The following AUTS2 variants were observed in gnomAD, a reference collection of about 807,000 sequenced individuals.
The protein encoded by AUTS2 is activator of transcription and developmental regulator AUTS2, also known as autism susceptibility gene 2 protein.
A neutral mutation model predicts 112.4 loss-of-function variants in AUTS2; 17 were observed. That is an observed-to-expected ratio of 0.15 (90% CI 0.10 to 0.23). The LOEUF is 0.23. Ranked by LOEUF, AUTS2 falls within the 10% of genes least tolerant of loss-of-function variation. AUTS2 has a pLI of 1.00. For missense variants in AUTS2, 1,510 were observed against 1,701.6 expected (o/e 0.89, Z 1.98); for synonymous variants, 751 against 702.7 (o/e 1.07, Z -1.09).
intron 4 of AUTS2, among the ~76,000 whole-genome samples, chr7:70,135,109 A>G (rs371975992): frequency 1.3e-5 from 2 of 152,066 alleles, no homozygotes; most frequent in African/African-American, 4.8e-5. Context: ...CTAAAATGCA[A>G]AGTTTATTTC....
chr7:70,444,188 G>T (rs907323076), intron 5 of AUTS2, among the ~76,000 whole-genome samples: 1 of 152,192 alleles, frequency 6.6e-6, no homozygotes, highest in Admixed American at 6.5e-5. Context: ...AGAGGCATTT[G>T]TACAGGTGAT....
At chr7:70,361,863 A>T (rs1005484981) in intron 4 of AUTS2, among the ~76,000 whole-genome samples, 1 of 152,152 alleles carries the variant, frequency 6.6e-6, no homozygotes, top group East Asian at 1.9e-4. Flanking sequence ...CTTCAAGAAG[A>T]TAAGTTTTAT....
At chr7:70,317,985 G>A (rs1243305226) in intron 4 of AUTS2, among the ~76,000 whole-genome samples, 2 of 152,242 alleles carry the variant, frequency 1.3e-5, no homozygotes, top group Admixed American at 6.5e-5. Context: ...GTCATGACTT[G>A]CTACCTTTAG....
chr7:69,653,676 A>C (rs1409031261), intron 1 of AUTS2, among the ~76,000 whole-genome samples: 1 of 151,904 alleles, frequency 6.6e-6, no homozygotes, highest in East Asian at 1.9e-4. Context: ...TTGAGGAGAA[A>C]TAACCCGTTT....
intron 4 of AUTS2, among the ~76,000 whole-genome samples, chr7:70,220,632 G>A (rs1249393740): frequency 6.6e-6 from 1 of 152,172 alleles, no homozygotes; most frequent in Non-Finnish European, 1.5e-5. Flanking sequence ...GACCTGGCTA[G>A]CTACGGATGC....
intron 1 of AUTS2, among the ~76,000 whole-genome samples, chr7:69,614,204 A>G (rs779091787): frequency 1.3e-5 from 2 of 152,154 alleles, no homozygotes; most frequent in Non-Finnish European, 2.9e-5. Flanking sequence ...GGGGGTTAGT[A>G]TAAAGATACA....
intron 5 of AUTS2, among the ~76,000 whole-genome samples, chr7:70,627,425 G>A (rs1210313347): frequency 1.3e-5 from 2 of 152,192 alleles, no homozygotes; most frequent in African/African-American, 4.8e-5. Context: ...ATTTGCAAAT[G>A]TTTTCTCCCA....
chr7:70,721,151 C>G (rs991162099), intron 6 of AUTS2, among the ~76,000 whole-genome samples: 1 of 151,954 alleles, frequency 6.6e-6, no homozygotes, highest in Admixed American at 6.6e-5. Flanking sequence ...CTACTGGGCT[C>G]CTGATATACG....
chr7:69,879,339 G>A lies in AUTS2; in HGVS notation c.310-19947G>A, dbSNP rs138945770. ...TTTTTTCTTTTTTTTTTGTAGAGACGGGATTTTGCCATGTTGCCCAGGCTG... is the reference window on the plus strand; with the variant it reads ...TTTTTTCTTTTTTTTTTGTAGAGACAGGATTTTGCCATGTTGCCCAGGCTG... On this transcript the variant is annotated intron_variant, in intron 1 of 18. Transcript: ENST00000342771. Among the ~76,000 whole-genome samples, 390 of 148,154 alleles carry A rather than the reference G, an allele frequency of 2.6e-3. 4 individuals carry two copies. The highest frequency in any genetic ancestry group is 9.4e-3 in the African/African-American group (374 of 39,584).
chr7:70,323,039 C>T (rs1185771435), intron 4 of AUTS2, among the ~76,000 whole-genome samples: 1 of 152,194 alleles, frequency 6.6e-6, no homozygotes, highest in Non-Finnish European at 1.5e-5. Flanking sequence ...AGAGTGGGTT[C>T]TGAAACTGGA....
intron 5 of AUTS2, among the ~76,000 whole-genome samples, chr7:70,469,671 T>G (rs1797302008): frequency 1.3e-5 from 2 of 152,210 alleles, no homozygotes; most frequent in African/African-American, 4.8e-5. Flanking sequence ...GTCAGAGTCT[T>G]GCTCTGTTGC....
At chr7:70,438,692 A>G (rs1166757572) in intron 5 of AUTS2, among the ~76,000 whole-genome samples, 6 of 152,194 alleles carry the variant, frequency 3.9e-5, no homozygotes, top group Non-Finnish European at 7.3e-5. Flanking sequence ...GGTCCCTGTC[A>G]GCCTCCTCTG....
intron 4 of AUTS2, among the ~76,000 whole-genome samples, chr7:70,329,116 C>G (rs1790628281): frequency 6.6e-6 from 1 of 152,140 alleles, no homozygotes; most frequent in African/African-American, 2.4e-5. Flanking sequence ...TACTCCACTC[C>G]TTTTTATAGC....
At chr7:70,468,598 A>AGACT (rs1396718268) in intron 5 of AUTS2, among the ~76,000 whole-genome samples, 3 of 152,130 alleles carry the variant, frequency 2.0e-5, no homozygotes, top group Non-Finnish European at 4.4e-5. Flanking sequence ...AGAGGCTGGG[A>AGACT]GACTAGAGGG....
At chr7:70,224,326 GTACAGTACAA>G (rs1458750522) in intron 4 of AUTS2, among the ~76,000 whole-genome samples, 14 of 111,904 alleles carry the variant, frequency 1.3e-4, no homozygotes, top group Admixed American at 4.0e-4. Flanking sequence ...ATACAATACA[GTACAGTACAA>G]TACAATACAA....
chr7:70,249,245 G>A (rs772170223), intron 4 of AUTS2, among the ~76,000 whole-genome samples: 35 of 152,032 alleles, frequency 2.3e-4, no homozygotes, highest in Middle Eastern at 3.4e-3. Flanking sequence ...TATTTTTTGC[G>A]TAACCTGCTT....
At chr7:69,606,339 C>T (rs750461427) in intron 1 of AUTS2, among the ~76,000 whole-genome samples, 13 of 121,572 alleles carry the variant, frequency 1.1e-4, no homozygotes, top group South Asian at 5.8e-4. Flanking sequence ...TTGAGGCTAG[C>T]TATTAGGAAT....
At chr7:70,073,850 C>T (rs2129563316) in intron 2 of AUTS2, among the ~76,000 whole-genome samples, 1 of 152,254 alleles carries the variant, frequency 6.6e-6, no homozygotes, top group South Asian at 2.1e-4. Flanking sequence ...GAAATATGTG[C>T]TACTACTGGA....
intron 4 of AUTS2, among the ~76,000 whole-genome samples, chr7:70,280,357 C>T (rs557857055): frequency 2.1e-4 from 31 of 148,612 alleles, no homozygotes; most frequent in African/African-American, 6.7e-4. Flanking sequence ...GATGTCAGCT[C>T]ACTGCAACTT....
Sources: allele counts gnomAD v4.1 joint callset (sites outside exome capture counted in the v4.1 genomes callset), GRCh38; gene constraint gnomAD v4.1.1; transcripts MANE v1.5; gene names NCBI Gene and HGNC (gene_info 2026-07-23, HGNC 2026-07-21).